The following GRIP1 variants were observed in gnomAD, a reference collection of about 807,000 sequenced individuals.
GRIP1 encodes glutamate receptor-interacting protein 1.
In GRIP1, 45 loss-of-function variants were observed where a neutral mutation model predicts 129.9. The ratio of observed to expected loss-of-function variants is 0.35; its 90% CI spans 0.27 to 0.44. The LOEUF (loss-of-function observed/expected upper bound fraction) is 0.44. Ranked by LOEUF, GRIP1 falls within the 20% of genes least tolerant of loss-of-function variation. GRIP1 has a pLI of 1.00. For missense variants in GRIP1, 1,196 were observed against 1,396.8 expected (o/e 0.86, Z 2.29); for synonymous variants, 530 against 520.8 (o/e 1.02, Z -0.24).
chr12:66,744,043 T>G (rs1361826300), intron 1 of GRIP1, among the ~76,000 whole-genome samples: 1 of 152,198 alleles, frequency 6.6e-6, no homozygotes, highest in African/African-American at 2.4e-5. Flanking sequence ...AATTAAAATA[T>G]TATCTTCATA....
intron 1 of GRIP1, among the ~76,000 whole-genome samples, chr12:66,723,296 CTTTCTTTCTTTTTT>C (rs2036142307): frequency 5.9e-4 from 13 of 22,072 alleles, no homozygotes; most frequent in Admixed American, 4.6e-3. Context: ...TTCTTTCTTT[CTTTCTTTCTTTTTT>C]TTTTTTTTTT....
chr12:66,861,670 T>C (rs2040114851), intron 1 of GRIP1, among the ~76,000 whole-genome samples: 1 of 152,102 alleles, frequency 6.6e-6, no homozygotes, highest in African/African-American at 2.4e-5. Context: ...ATGAGTATTG[T>C]CTTCATCAAT....
At chr12:66,372,029 A>G in intron 22 of GRIP1, 102 bp from the exon 23 acceptor site, 3 of 793,168 alleles carry the variant, frequency 3.8e-6, no homozygotes, top group Non-Finnish European at 4.3e-6. Context: ...GTAAAAATAC[A>G]GTCTCTTCAG....
intron 1 of GRIP1, among the ~76,000 whole-genome samples, chr12:66,733,000 A>G (rs2136508437): frequency 6.6e-6 from 1 of 152,336 alleles, no homozygotes; most frequent in African/African-American, 2.4e-5. Flanking sequence ...CAGGAAAATA[A>G]TCGCAGCTTT....
At chr12:66,864,643 AG>A (rs2040171325) in intron 1 of GRIP1, among the ~76,000 whole-genome samples, 1 of 152,110 alleles carries the variant, frequency 6.6e-6, no homozygotes, top group Non-Finnish European at 1.5e-5. Context: ...ACTTGAGTTT[AG>A]TAGCTCAAGG....
intron 2 of GRIP1, chr12:66,563,898 G>C (rs933658959): frequency 6.6e-6 from 1 of 152,452 alleles, no homozygotes; most frequent in Non-Finnish European, 1.5e-5. Flanking sequence ...GAGAATGTTT[G>C]TTGCTTAATT....
At chr12:66,949,426 C>T (rs751885006) in intron 1 of GRIP1, among the ~76,000 whole-genome samples, 24 of 152,100 alleles carry the variant, frequency 1.6e-4, no homozygotes, top group Admixed American at 3.3e-4. Context: ...TAATTAGCTC[C>T]GATAGCCTGC....
chr12:66,522,831 TA>T (rs2061066780), intron 5 of GRIP1, among the ~76,000 whole-genome samples: 1 of 152,020 alleles, frequency 6.6e-6, no homozygotes, highest in South Asian at 2.1e-4. Context: ...GAGAAGTCCT[TA>T]AAGGAGCTGA....
At chr12:66,781,793 C>CCTTCTT (rs896845243) in intron 1 of GRIP1, among the ~76,000 whole-genome samples, 1 of 152,116 alleles carries the variant, frequency 6.6e-6, no homozygotes, top group Non-Finnish European at 1.5e-5. Flanking sequence ...GGTTTTAAAA[C>CCTTCTT]AGATAATCAG....
chr12:66,412,739 C>T (rs983142241), intron 15 of GRIP1, among the ~76,000 whole-genome samples: 1 of 152,152 alleles, frequency 6.6e-6, no homozygotes, highest in Non-Finnish European at 1.5e-5. Flanking sequence ...CTTCAAGAGA[C>T]CTATCTCACA....
chr12:66,815,845 T>TC (rs1491478147), intron 1 of GRIP1, among the ~76,000 whole-genome samples: 9 of 44,632 alleles, frequency 2.0e-4, no homozygotes, highest in South Asian at 7.7e-4. Context: ...TCTTTCTTTC[T>TC]TTCTTTCTTT....
intron 1 of GRIP1, among the ~76,000 whole-genome samples, chr12:66,776,628 A>G (rs907181572): frequency 1.3e-5 from 2 of 152,204 alleles, no homozygotes; most frequent in East Asian, 3.8e-4. Flanking sequence ...ACAGAGCAAT[A>G]TTTGCTATAA....
At chr12:66,908,314 T>C (rs1566074135) in intron 1 of GRIP1, among the ~76,000 whole-genome samples, 1 of 152,116 alleles carries the variant, frequency 6.6e-6, no homozygotes, top group African/African-American at 2.4e-5. Context: ...AATGACAATC[T>C]GATGCAGGCC....
chr12:67,067,192 T>G (rs1266530462), intron 1 of GRIP1, among the ~76,000 whole-genome samples: 2 of 152,138 alleles, frequency 1.3e-5, no homozygotes, highest in Non-Finnish European at 2.9e-5. Context: ...ATTTTTATGC[T>G]CTGGAGGAAT....
intron 1 of GRIP1, among the ~76,000 whole-genome samples, chr12:66,897,032 G>A (rs910095126): frequency 6.6e-6 from 1 of 152,212 alleles, no homozygotes; most frequent in Admixed American, 6.5e-5. Flanking sequence ...CCAAGTGCTA[G>A]CTCAGCTGTT....
At chr12:66,781,551 T>C (rs1388880570) in intron 1 of GRIP1, among the ~76,000 whole-genome samples, 1 of 152,084 alleles carries the variant, frequency 6.6e-6, no homozygotes, top group African/African-American at 2.4e-5. Flanking sequence ...ACTCATAGAG[T>C]TCTGCAAACA....
At chr12:66,351,558 T>G (rs1311015562) in intron 24 of GRIP1, among the ~76,000 whole-genome samples, 3 of 46,900 alleles carry the variant, frequency 6.4e-5, no homozygotes, top group Non-Finnish European at 1.4e-4. Flanking sequence ...GGAAGGTGGT[T>G]TTTTTTTTTT....
chr12:67,053,919 T>A (rs537780383), intron 1 of GRIP1, among the ~76,000 whole-genome samples: 1 of 152,328 alleles, frequency 6.6e-6, no homozygotes, highest in African/African-American at 2.4e-5. Flanking sequence ...CAGAGGTATA[T>A]TTTAGCAGAA....
intron 1 of GRIP1, among the ~76,000 whole-genome samples, chr12:66,978,517 T>G (rs1643913941): frequency 6.6e-6 from 1 of 152,186 alleles, no homozygotes; most frequent in African/African-American, 2.4e-5. Context: ...TGTTAACATC[T>G]CAAGTCTCCT....
Sources: allele counts gnomAD v4.1 joint callset (sites outside exome capture counted in the v4.1 genomes callset), GRCh38; gene constraint gnomAD v4.1.1; transcripts MANE v1.5; gene names NCBI Gene and HGNC (gene_info 2026-07-23, HGNC 2026-07-21).